Variants in IPO11 observed in about 807,000 individuals in gnomAD.
IPO11 encodes the protein importin 11, also known as importin-11.
IPO11 carries 66 observed loss-of-function variants against 143.2 expected under a neutral mutation model. The ratio of observed to expected loss-of-function variants is 0.46; its 90% confidence interval spans 0.38 to 0.57. IPO11 has a LOEUF of 0.57. IPO11 is among the 20% of genes least tolerant of loss of function. The pLI, the probability that IPO11 is intolerant of heterozygous loss-of-function variation, is 0.00. For missense variants in IPO11, 1,026 were observed against 1,141.0 expected, an observed-to-expected ratio of 0.90 and a Z score of 1.45; for synonymous variants, 385 against 377.8, an observed-to-expected ratio of 1.02 and a Z score of -0.22.
At chr5:62,449,218 A>G (rs10461473) in intron 3 of IPO11, among the ~76,000 whole-genome samples, 15,262 of 152,216 alleles carry the variant, frequency 0.1, 943 homozygotes, top group East Asian at 0.26. Context: ...AAAATTAACA[A>G]CACATTCATA....
intron 19 of IPO11, among the ~76,000 whole-genome samples, chr5:62,513,817 G>C (rs1410343198): frequency 1.4e-5 from 2 of 147,418 alleles, no homozygotes; most frequent in East Asian, 4.1e-4. Flanking sequence ...CAGGCGGAGG[G>C]GCTCCTCACT....
At chr5:62,481,325 C>T (rs560066031) in intron 9 of IPO11, among the ~76,000 whole-genome samples, 102 of 152,210 alleles carry the variant, frequency 6.7e-4, no homozygotes, top group African/African-American at 2.4e-3. Context: ...AGAGGGTATC[C>T]CTGTCTTGTG....
chr5:62,466,186 G>C (rs1745567683), intron 5 of IPO11, among the ~76,000 whole-genome samples: 1 of 152,270 alleles, frequency 6.6e-6, no homozygotes, highest in South Asian at 2.1e-4. Flanking sequence ...ATTAACTGAG[G>C]TTCAAGCCTT....
chr5:62,426,175 TC>T (rs1743734402), intron 1 of IPO11, among the ~76,000 whole-genome samples: 5 of 152,254 alleles, frequency 3.3e-5, no homozygotes, highest in African/African-American at 1.2e-4. Flanking sequence ...TCACCTGAGG[TC>T]AGGAGTTCAA....
At chr5:62,434,027 A>G (rs973993072) in intron 1 of IPO11, among the ~76,000 whole-genome samples, 4 of 152,138 alleles carry the variant, frequency 2.6e-5, no homozygotes, top group African/African-American at 9.7e-5. Flanking sequence ...TGAAAAGCCT[A>G]GACACCTTAT....
intron 29 of IPO11, among the ~76,000 whole-genome samples, chr5:62,609,002 G>T (rs1467796834): frequency 6.6e-6 from 1 of 152,168 alleles, no homozygotes; most frequent in South Asian, 2.1e-4. Flanking sequence ...CTCATACACT[G>T]TGTAGCCTCA....
chr5:62,484,894 G>GT lies in IPO11; in HGVS notation c.1175-514dup, dbSNP rs530509512. ...TGTACTGTACAACATGTCTTTTCTTGTTTTTTTTTTTGCTTTTTTTGAAAC... is the reference window on the plus strand; with the variant it reads ...TGTACTGTACAACATGTCTTTTCTTGTTTTTTTTTTTTGCTTTTTTTGAAAC... On this transcript the variant is annotated intron_variant, in intron 11 of 29. Transcript: ENST00000325324. Among the ~76,000 whole-genome samples, 1,116 of 134,566 alleles carry GT rather than the reference G, an allele frequency of 8.3e-3. 28 individuals carry two copies. Among genetic ancestry groups the GT allele is most frequent in the East Asian group, 0.069 (318 of 4,596 alleles). 88.3% of individuals were successfully genotyped at this position (134,566 alleles called of 152,430 possible).
intron 20 of IPO11, among the ~76,000 whole-genome samples, chr5:62,517,865 G>T (rs1459389620): frequency 6.6e-6 from 1 of 152,130 alleles, no homozygotes; most frequent in Non-Finnish European, 1.5e-5. Context: ...TGACATTTAA[G>T]TACCCTGTGT....
chr5:62,513,202 C>G (rs1741832207), intron 19 of IPO11, among the ~76,000 whole-genome samples: 1 of 151,904 alleles, frequency 6.6e-6, no homozygotes. Context: ...GGGTGGCTGG[C>G]CAGGCGGGGC....
intron 29 of IPO11, among the ~76,000 whole-genome samples, chr5:62,616,719 CAAAAAAAAAA>C (rs538760503): frequency 2.5e-4 from 21 of 84,438 alleles, no homozygotes; most frequent in African/African-American, 9.8e-4. Flanking sequence ...GACTCTGACT[CAAAAAAAAAA>C]AAAAAAAAAA....
At chr5:62,493,077 GAGAA>G (rs1441227284) in intron 15 of IPO11, among the ~76,000 whole-genome samples, 1 of 152,170 alleles carries the variant, frequency 6.6e-6, no homozygotes, top group African/African-American at 2.4e-5. Flanking sequence ...AAGATGATGA[GAGAA>G]AGAAAGAAAT....
intron 26 of IPO11, among the ~76,000 whole-genome samples, chr5:62,552,333 A>C (rs1037878217): frequency 6.6e-6 from 1 of 152,142 alleles, no homozygotes; most frequent in Non-Finnish European, 1.5e-5. Flanking sequence ...ATAAGGAAGT[A>C]CAAATTTTAA....
rs767072384 is a variant in IPO11, at chr5:62,550,382, C to T, written c.2266C>T (p.Leu756Phe). 5.6e-6 allele frequency: 9 copies of T among 1,612,346 alleles called. No individual in the cohort carries two copies. The highest frequency in any genetic ancestry group is 6.8e-6 in the Non-Finnish European group (8 of 1,178,836). The change falls in exon 25 of 30, where the codon CTT (leucine) becomes TTT (phenylalanine). Residue 756 changes from leucine (L) to phenylalanine (F), a missense_variant. By Grantham distance (22) the Leu-to-Phe change is conservative (BLOSUM62 0). Transcript: ENST00000325324. ...TGGTTTTTAGGTTGTGGAAAATGCC[C>T]TTAAAGTGAACCCAATACTAGGTCC... The part of the protein sequence containing the change: ...VQVLKVVENA[L>F]KVNPILGPQM...
In IPO11 at chr5:62,433,145, T is replaced by G. The variant is rs543375738; in HGVS notation, c.-6-4129T>G. On this transcript the variant is annotated intron_variant, in intron 1 of 29. Transcript: ENST00000325324. ...TTTTACTCTAATTTTGGCACCTTTTTGTTTTTTGTTTTTTTTTTAAAGTCA... is the reference window on the plus strand; with the variant it reads ...TTTTACTCTAATTTTGGCACCTTTTGGTTTTTTGTTTTTTTTTTAAAGTCA... 1.2e-4 allele frequency among the ~76,000 whole-genome samples: 18 copies of G among 151,630 alleles called. No individual in the cohort carries two copies. The South Asian group carries it at 3.1e-3, about 26-fold the overall frequency.
At chr5:62,523,952 C>G (rs969975142) in intron 20 of IPO11, among the ~76,000 whole-genome samples, 26 of 152,018 alleles carry the variant, frequency 1.7e-4, no homozygotes, top group African/African-American at 6.3e-4. Flanking sequence ...ATTCACAGGA[C>G]GTTTGAAAGA....
At chr5:62,502,408 A>C (rs1741375548) in intron 16 of IPO11, among the ~76,000 whole-genome samples, 1 of 152,146 alleles carries the variant, frequency 6.6e-6, no homozygotes, top group African/African-American at 2.4e-5. Context: ...CTTTGTGGTA[A>C]GTACCTCTTA....
intron 19 of IPO11, among the ~76,000 whole-genome samples, chr5:62,513,420 C>CCA (rs1554052726): frequency 7.0e-6 from 1 of 142,378 alleles, no homozygotes; most frequent in Admixed American, 6.8e-5. Flanking sequence ...GCTGACCCCC[C>CCA]CCCCACCTCC....
Position 62,537,270 on chromosome 5 carries a change from G to A in IPO11, c.2231G>A (p.Gly744Asp). Residue 744 changes from glycine (G) to aspartate (D), a missense_variant, in exon 24 of 30, where the codon GGT (glycine) becomes GAT (aspartate). Coordinates refer to ENST00000325324, the MANE Select transcript of IPO11 (RefSeq NM_016338.5). ...CELLKEITTE[G>D]QVQVLKVVEN... The stretch of plus-strand genomic sequence containing the variant: ...CTTTTAAAGGAAATTACTACAGAAG[G>A]TCAAGTTCAGGTGCTCAAGGTATTG... 6.3e-7 allele frequency: 1 copy of A among 1,598,934 alleles called. No individual in the cohort carries two copies.
intron 29 of IPO11, among the ~76,000 whole-genome samples, chr5:62,623,649 T>C (rs1394032753): frequency 3.3e-5 from 5 of 150,812 alleles, no homozygotes; most frequent in East Asian, 1.9e-4. Context: ...CTTTTTCTTT[T>C]TTTTTTTTTT....
Sources: allele counts gnomAD v4.1 joint callset (sites outside exome capture counted in the v4.1 genomes callset), GRCh38; gene constraint gnomAD v4.1.1; transcripts MANE v1.5; gene names NCBI Gene and HGNC (gene_info 2026-07-23, HGNC 2026-07-21).